The following RFTN2 variants were observed in gnomAD, a reference collection of about 807,000 sequenced individuals.
RFTN2 encodes the protein raftlin family member 2, also known as raftlin-2.
A neutral mutation model predicts 52.7 loss-of-function variants in RFTN2; 34 were observed. The observed-to-expected ratio is 0.64, with a 90% CI of 0.49 to 0.86. The LOEUF is 0.86. Among genes scored for constraint, RFTN2 ranks in the 40% least tolerant of loss-of-function variants. The pLI is 0.00. For synonymous variants in RFTN2, 203 were observed against 217.7 expected (o/e 0.93, Z 0.59); for missense variants, 536 against 600.1 (o/e 0.89, Z 1.12).
At chr2:197,587,330 T>A (rs186058403) in intron 8 of RFTN2, among the ~76,000 whole-genome samples, 1 of 152,276 alleles carries the variant, frequency 6.6e-6, no homozygotes, top group Admixed American at 6.5e-5. Flanking sequence ...TTTTGTTTTA[T>A]TTTTCTTATT....
At chr2:197,642,721 C>T (rs2088691858) in intron 3 of RFTN2, among the ~76,000 whole-genome samples, 1 of 152,106 alleles carries the variant, frequency 6.6e-6, no homozygotes, top group Non-Finnish European at 1.5e-5. Context: ...TGGTGGCTCA[C>T]ACCTGTGATC....
chr2:197,570,857 TA>T lies in RFTN2; in HGVS notation c.*1150del, dbSNP rs2087305405. The stretch of plus-strand genomic sequence containing the variant: ...CTTACAATGTCAACATCAATGTTAA[TA>T]AAAATATATAATAGGCTGAATTCAT... On this transcript the variant is annotated 3_prime_UTR_variant, in exon 9 of 9. Coordinates refer to ENST00000295049, the MANE Select transcript of RFTN2 (RefSeq NM_144629.3). 6.6e-6 allele frequency: 1 copy of T among 152,244 alleles called. No individual in the cohort carries two copies. The highest frequency in any genetic ancestry group is 1.5e-5 in the Non-Finnish European group (1 of 68,034). 9.4% of individuals were successfully genotyped at this position (152,244 alleles called of 1,614,324 possible). A position where few individuals can be genotyped will look rare whatever the true frequency, so the allele number is the denominator to read the frequency against.
intron 5 of RFTN2, among the ~76,000 whole-genome samples, chr2:197,629,092 T>C (rs1406542055): frequency 5.3e-5 from 8 of 152,228 alleles, no homozygotes; most frequent in Admixed American, 6.5e-5. Context: ...ATCCCATTAC[T>C]GCGTATATAC....
At chr2:197,591,917 T>C (rs1185224146) in intron 8 of RFTN2, among the ~76,000 whole-genome samples, 1 of 148,586 alleles carries the variant, frequency 6.7e-6, no homozygotes, top group Non-Finnish European at 1.5e-5. Flanking sequence ...TCCTGCCCCG[T>C]GCCTCTCCCT....
chr2:197,608,548 A>C (rs1320466309), intron 7 of RFTN2, among the ~76,000 whole-genome samples: 1 of 150,780 alleles, frequency 6.6e-6, no homozygotes, highest in Non-Finnish European at 1.5e-5. Context: ...TCCTGACCTC[A>C]AGTGATCTGC....
At chr2:197,587,946 C>T (rs2087628002) in intron 8 of RFTN2, 1 of 468,172 alleles carries the variant, frequency 2.1e-6, no homozygotes, top group South Asian at 1.6e-5. Flanking sequence ...AGGATTTGTC[C>T]AAGGTCATGA....
At chr2:197,637,826 A>T (rs1309789126) in intron 3 of RFTN2, among the ~76,000 whole-genome samples, 1 of 151,446 alleles carries the variant, frequency 6.6e-6, no homozygotes, top group Non-Finnish European at 1.5e-5. Flanking sequence ...TTTAATTGTG[A>T]TGTTAGGGTG....
chr2:197,649,284 A>G (rs2088794066), intron 1 of RFTN2, among the ~76,000 whole-genome samples: 1 of 152,204 alleles, frequency 6.6e-6, no homozygotes, highest in East Asian at 1.9e-4. Context: ...AAATAGAGGT[A>G]AAGGTCATAT....
At chr2:197,641,925 T>C (rs906152793) in intron 3 of RFTN2, among the ~76,000 whole-genome samples, 1 of 152,250 alleles carries the variant, frequency 6.6e-6, no homozygotes, top group African/African-American at 2.4e-5. Flanking sequence ...GATCTTTAAC[T>C]GTGTCCAGGA....
intron 3 of RFTN2, among the ~76,000 whole-genome samples, chr2:197,638,820 G>A (rs2088612137): frequency 1.4e-5 from 2 of 140,652 alleles, no homozygotes; most frequent in African/African-American, 5.3e-5. Context: ...AGTTGATGCA[G>A]TTTCTTCCTA....
intron 8 of RFTN2, among the ~76,000 whole-genome samples, chr2:197,586,060 C>T (rs994536698): frequency 6.6e-6 from 1 of 152,178 alleles, no homozygotes; most frequent in Non-Finnish European, 1.5e-5. Flanking sequence ...ATTGGAGCCT[C>T]CCAGCTCCGT....
At chr2:197,594,541 A>G (rs999177083) in intron 8 of RFTN2, among the ~76,000 whole-genome samples, 10 of 152,140 alleles carry the variant, frequency 6.6e-5, no homozygotes, top group African/African-American at 2.4e-4. Flanking sequence ...AATGTTTCCC[A>G]GGCTGGTCTC....
At chr2:197,629,589 TATA>T (rs2088426908) in intron 5 of RFTN2, among the ~76,000 whole-genome samples, 1 of 151,280 alleles carries the variant, frequency 6.6e-6, no homozygotes, top group African/African-American at 2.4e-5. Context: ...GAACTTAAAG[TATA>T]ATAATAATAA....
Position 197,605,268 on chromosome 2 carries a change from A to G in RFTN2, c.1155-9199T>C, listed in dbSNP as rs564795194. Among the ~76,000 whole-genome samples the G allele has an allele frequency of 2.4e-3, 359 of 150,998 alleles. 1 individual carries two copies. Among genetic ancestry groups the G allele is most frequent in the African/African-American group, 7.6e-3 (313 of 41,128 alleles). ...GAGTCTGGCTCTGTCTTCCCAGGCT[A>G]GAGTGCACGCAATCTCGGCTCACTG... On this transcript the variant is annotated intron_variant, in intron 7 of 8. Transcript: ENST00000295049.
intron 7 of RFTN2, among the ~76,000 whole-genome samples, chr2:197,607,705 T>G (rs779908880): frequency 1.3e-5 from 2 of 152,166 alleles, no homozygotes; most frequent in African/African-American, 2.4e-5. Context: ...AATTATAAAA[T>G]TAAATTTTGG....
chr2:197,629,169 A>G (rs964491434), intron 5 of RFTN2, among the ~76,000 whole-genome samples: 1 of 152,210 alleles, frequency 6.6e-6, no homozygotes, highest in South Asian at 2.1e-4. Flanking sequence ...GGCACTATTC[A>G]TAATAGCAAA....
In RFTN2 at chr2:197,675,521, T is replaced by A; in HGVS notation, c.-63A>T. 1.7e-6 allele frequency: 2 copies of A among 1,181,334 alleles called. No homozygotes were observed. The highest frequency in any genetic ancestry group is 2.2e-6 in the Non-Finnish European group (2 of 913,640). 73.2% of individuals were successfully genotyped at this position (1,181,334 alleles called of 1,614,324 possible). On this transcript the variant is annotated 5_prime_UTR_variant, in exon 1 of 9. Coordinates refer to ENST00000295049, the MANE Select transcript of RFTN2 (RefSeq NM_144629.3). ...AGGGAGAGCAGCAAATTCTGTTGTT[T>A]AAGCTGCAAAAAGAAAGTTACAGAC...
intron 7 of RFTN2, among the ~76,000 whole-genome samples, chr2:197,611,058 A>G (rs1490884531): frequency 1.3e-5 from 2 of 152,164 alleles, no homozygotes; most frequent in Non-Finnish European, 2.9e-5. Flanking sequence ...CATCAGGGAT[A>G]TTGGCCTAAA....
At position 197,631,238 on chromosome 2, in the gene RFTN2, GA is replaced by G; in HGVS notation, c.719-19del. 2 of 1,520,980 alleles carry G rather than the reference GA, an allele frequency of 1.3e-6. No homozygotes were observed. The highest frequency in any genetic ancestry group is 9.0e-7 in the Non-Finnish European group (1 of 1,109,078). The allele number at this position is 1,520,980 out of a possible 1,614,324, so 94.2% of individuals were successfully genotyped here. ...ATCTGAGGCTAGGCATTCAGAAGGA[GA>G]AAAAAGGGGAAAATTATAATTTTGT... On this transcript the variant is annotated intron_variant, in intron 4 of 8. Transcript: ENST00000295049.
Sources: allele counts gnomAD v4.1 joint callset (sites outside exome capture counted in the v4.1 genomes callset), GRCh38; gene constraint gnomAD v4.1.1; transcripts MANE v1.5; gene names NCBI Gene and HGNC (gene_info 2026-07-23, HGNC 2026-07-21).